Variants in TMEM184A observed in about 807,000 individuals in gnomAD.
The protein encoded by TMEM184A is sexually dimorphic, expressed in male gonads 1.
In TMEM184A, 40 loss-of-function variants were observed where a neutral mutation model predicts 39.5. That is an observed-to-expected ratio of 1.01 (90% confidence interval 0.79 to 1.32). The LOEUF is 1.32. TMEM184A is among the 40% of genes most tolerant of loss of function. TMEM184A has a pLI of 0.00. For missense variants in TMEM184A, 603 were observed against 568.8 expected, an observed-to-expected ratio of 1.06 and a Z score of -0.61; for synonymous variants, 280 against 252.3, an observed-to-expected ratio of 1.11 and a Z score of -1.04.
chr7:1,552,875 C>T (rs914432104), intron 2 of TMEM184A, among the ~76,000 whole-genome samples: 3 of 152,122 alleles, frequency 2.0e-5, no homozygotes, highest in African/African-American at 2.4e-5. Context: ...GTCAACAGGG[C>T]GAACTCCATC....
At position 1,550,340 on chromosome 7, in the gene TMEM184A, G is replaced by C. The variant is rs771538542; in HGVS notation, c.441C>G (p.Gly147=). The C allele has an allele frequency of 6.2e-7, 1 of 1,612,944 alleles. No individual in the cohort carries two copies. Among genetic ancestry groups the C allele is most frequent in the Non-Finnish European group, 8.5e-7 (1 of 1,179,782 alleles). The change falls in exon 4 of 9, where the codon GGC becomes GGG. Residue 147 remains glycine, a synonymous_variant. Transcript: ENST00000297477. Reference sequence around the variant, plus strand: ...TTCCACGAATCTCAGCCATGATGGCGCCCTCGCCTCCCAGGTACTGGAAAC... The same window carrying C: ...TTCCACGAATCTCAGCCATGATGGCCCCCTCGCCTCCCAGGTACTGGAAAC... ...SLCFQYLGGE[G]AIMAEIRGKP... is the part of the protein sequence containing the mutation.
At position 1,552,508 on chromosome 7, in the gene TMEM184A, G is replaced by GT. The variant is rs5881901; in HGVS notation, c.220-1527dup. Among the ~76,000 whole-genome samples the GT allele has an allele frequency of 5.7e-3, 769 of 135,636 alleles. 3 individuals are homozygous for GT. The highest frequency in any genetic ancestry group is 0.013 in the East Asian group (62 of 4,670). The allele number at this position is 135,636 out of a possible 152,430, so 89.0% of individuals were successfully genotyped here. A position where few individuals can be genotyped will look rare whatever the true frequency, so the allele number is the denominator to read the frequency against. On this transcript the variant is annotated intron_variant, in intron 2 of 8. Transcript: ENST00000297477. ...TAACAGTCACCATGTTGTACAATAG[G>GT]TTTTTTTTTTTTTTTTTTCTGAATA... is the stretch of plus-strand genomic sequence containing the variant.
At chr7:1,547,969 C>T (rs768923888) in intron 7 of TMEM184A, 30 bp from the exon 8 acceptor site, 41 of 1,544,360 alleles carry the variant, frequency 2.7e-5, no homozygotes, top group Middle Eastern at 4.3e-4. Flanking sequence ...TCAGCCCCAG[C>T]CCCAGACGGG....
Position 1,550,719 on chromosome 7 carries a change from G to A in TMEM184A, c.385+98C>T. Reference sequence around the variant, plus strand: ...GCCCCTCTGACGGGCCGGGAGAGTGGGGTGCCCTGGGGACTGGCCATGGAA... The same window carrying A: ...GCCCCTCTGACGGGCCGGGAGAGTGAGGTGCCCTGGGGACTGGCCATGGAA... On this transcript the variant is annotated intron_variant, in intron 3 of 8. Coordinates refer to ENST00000297477, the MANE Select transcript of TMEM184A (RefSeq NM_001097620.2). 3 of 1,457,534 alleles carry A rather than the reference G, an allele frequency of 2.1e-6. No individual in the cohort carries two copies. The South Asian group carries it at 3.7e-5, about 18-fold the overall frequency. 90.3% of individuals were successfully genotyped at this position (1,457,534 alleles called of 1,614,324 possible).
At position 1,547,148 on chromosome 7, in the gene TMEM184A, C is replaced by T. The variant is rs747916271; in HGVS notation, c.1046G>A (p.Gly349Asp). 3.3e-5 allele frequency: 53 copies of T among 1,607,836 alleles called. No homozygotes were observed. The highest frequency in any genetic ancestry group is 1.7e-4 in the Middle Eastern group (1 of 5,820). ...CTGGGGGCTCACTGTCTCCCTGATG[C>T]CGCTGGAGATGCTCTGCATGGGTGC... ...PPAPMQSISSGIRETVSPQDI... is the reference protein window; with the variant it reads ...PPAPMQSISSDIRETVSPQDI... The change falls in exon 9 of 9, where the codon GGC becomes GAC. Residue 349 changes from glycine to aspartate, a missense_variant. Coordinates refer to ENST00000297477, the MANE Select transcript of TMEM184A (RefSeq NM_001097620.2).
Position 1,550,128 on chromosome 7 carries a change from T to G in TMEM184A, c.547A>C (p.Lys183Gln). 5 of 1,603,850 alleles carry G rather than the reference T, an allele frequency of 3.1e-6. No homozygotes were observed. Among genetic ancestry groups the G allele is most frequent in the Non-Finnish European group, 4.3e-6 (5 of 1,176,126 alleles). Residue 183 changes from lysine to glutamine, a missense_variant, in exon 5 of 9, where the codon AAG becomes CAG. Transcript: ENST00000297477. ...TYSIGFLRFC[K>Q]QATLQFCLVK... ...AGGGCTGGGTGGCCCCTCACCTGCT[T>G]ACAGAAGCGCAGGAACCCGATGGAG...
Position 1,548,238 on chromosome 7 carries a change from T to G in TMEM184A, c.814+281A>C, listed in dbSNP as rs1203634612. Among the ~76,000 whole-genome samples the G allele has an allele frequency of 2.0e-5, 3 of 149,868 alleles. No homozygotes were observed. In the East Asian group the frequency reaches 6.0e-4, roughly 30 times the overall value. ...AAAGTGGGCTGTCAGTGCCCTGGCC[T>G]GGCCCAGGGCCCAGTGGGGGCCAGG... is the stretch of plus-strand genomic sequence containing the variant. On this transcript the variant is annotated intron_variant, in intron 7 of 8. Transcript: ENST00000297477.
Position 1,546,925 on chromosome 7 carries a change from C to G in TMEM184A, c.*27G>C. 1 of 1,454,548 alleles carries G rather than the reference C, an allele frequency of 6.9e-7. No homozygotes were observed. The allele number at this position is 1,454,548 out of a possible 1,614,324, so 90.1% of individuals were successfully genotyped here. ...CCCAGAGGCCTGGGCAGCCTGGGTC[C>G]CTACAGCACTGGCAGCCCAGGCCCC... is the stretch of plus-strand genomic sequence containing the variant. On this transcript the variant is annotated 3_prime_UTR_variant, in exon 9 of 9. Transcript: ENST00000297477.
intron 3 of TMEM184A, 25 bp downstream of exon 3, chr7:1,550,792 C>A (rs949189208): frequency 6.2e-7 from 1 of 1,610,286 alleles, no homozygotes; most frequent in Non-Finnish European, 8.5e-7. Flanking sequence ...TCCGCTCCCC[C>A]GACCTGACGC....
intron 2 of TMEM184A, 59 bp from the exon 3 acceptor site, chr7:1,551,041 A>C (rs1206642418): frequency 1.3e-5 from 8 of 636,344 alleles, no homozygotes; most frequent in Non-Finnish European, 2.0e-5. Flanking sequence ...GGACCAGCCC[A>C]GGTGAGCCGG....
intron 8 of TMEM184A, 101 bp from the exon 9 acceptor site, chr7:1,547,282 C>T: frequency 1.4e-6 from 1 of 704,690 alleles, no homozygotes; most frequent in Non-Finnish European, 2.3e-6. Context: ...CCTGCATGTC[C>T]AGGTCTGGCC....
At position 1,555,291 on chromosome 7, in the gene TMEM184A, G is replaced by A. The variant is rs1778513607; in HGVS notation, c.194C>T (p.Thr65Ile). Residue 65 changes from threonine to isoleucine, a missense_variant, in exon 2 of 9, where the codon ACT (threonine) becomes ATT (isoleucine). Thr to Ile is a moderately conservative substitution (Grantham distance 89, BLOSUM62 -1). Transcript: ENST00000297477. The surrounding 1 kb of genome is among the most constrained non-coding windows in gnomAD (Gnocchi z 5.2). ...CTGGTGGCAGGTGAGCACCAGGGCA[G>A]TCCACACGAAGATCCCCGAGACGCC... ...ARGVSGIFVW[T>I]ALVLTCHQIY... 1 of 1,607,634 alleles carries A rather than the reference G, an allele frequency of 6.2e-7. No individual in the cohort carries two copies. The highest frequency in any genetic ancestry group is 8.5e-7 in the Non-Finnish European group (1 of 1,177,346).
chr7:1,547,732 C>T lies in TMEM184A; in HGVS notation c.1012+10G>A, dbSNP rs1180131514. On this transcript the variant is annotated intron_variant, in intron 8 of 8. Coordinates refer to ENST00000297477, the MANE Select transcript of TMEM184A (RefSeq NM_001097620.2). ...CGCTCCGGGTGCCCCAGCTGGAAGG[C>T]AGGGTGTACCTGGTGAATTCTCCTT... The T allele has an allele frequency of 2.5e-6, 4 of 1,609,818 alleles. No homozygotes were observed. The highest frequency in any genetic ancestry group is 3.4e-5 in the Admixed American group (2 of 59,694).
In TMEM184A at chr7:1,555,140, G is replaced by T; in HGVS notation, c.219+126C>A. 1.3e-6 allele frequency: 1 copy of T among 745,966 alleles called. No individual in the cohort carries two copies. Among genetic ancestry groups the T allele is most frequent in the Non-Finnish European group, 2.1e-6 (1 of 481,028 alleles). The allele number at this position is 745,966 out of a possible 1,614,324, so 46.2% of individuals were successfully genotyped here. A position where few individuals can be genotyped will look rare whatever the true frequency, so the allele number is the denominator to read the frequency against. Reference sequence around the variant, plus strand: ...CCTGGGGAAGCTCATCCCCTCCCCCGTGCCCTGGCCGATCCCACTTCTGAC... The same window carrying T: ...CCTGGGGAAGCTCATCCCCTCCCCCTTGCCCTGGCCGATCCCACTTCTGAC... On this transcript the variant is annotated intron_variant, in intron 2 of 8. Coordinates refer to ENST00000297477, the MANE Select transcript of TMEM184A (RefSeq NM_001097620.2). This position sits in a 1 kb window ranked among gnomAD's most constrained non-coding sequence, Gnocchi z 5.2.
At chr7:1,549,530 A>G (rs1453665553) in intron 6 of TMEM184A, 1 of 501,868 alleles carries the variant, frequency 2.0e-6, no homozygotes, top group South Asian at 1.5e-5. Context: ...AGATGCTGGC[A>G]CAGACGCTAG....
At position 1,550,214 on chromosome 7, in the gene TMEM184A, C is replaced by T. The variant is rs1416370755; in HGVS notation, c.477-16G>A. 6.2e-7 allele frequency: 1 copy of T among 1,605,594 alleles called. No individual in the cohort carries two copies. Among genetic ancestry groups the T allele is most frequent in the Admixed American group, 1.7e-5 (1 of 58,786 alleles). ...GCAGCTGGACCTGCGGGGGACGTCC[C>T]TGAGCCGGTGCGGGAGAATGCAGCC... On this transcript the variant is annotated splice_polypyrimidine_tract_variant and intron_variant, in intron 4 of 8. Transcript: ENST00000297477.
At chr7:1,548,953 T>G (rs1227883984) in intron 6 of TMEM184A, 1 of 628,346 alleles carries the variant, frequency 1.6e-6, no homozygotes, top group Non-Finnish European at 3.0e-6. Context: ...CGTCCCAGGA[T>G]CCTGTCCACT....
intron 2 of TMEM184A, among the ~76,000 whole-genome samples, chr7:1,553,371 T>G (rs1353555758): frequency 6.6e-6 from 1 of 152,096 alleles, no homozygotes; most frequent in Non-Finnish European, 1.5e-5. Context: ...CAGGCTGGTC[T>G]CAAACTCTTG....
In TMEM184A at chr7:1,549,864, C is replaced by T. The variant is rs760364428; in HGVS notation, c.634G>A (p.Gly212Arg). The change falls in exon 6 of 9, where the codon GGG (glycine) becomes AGG (arginine). Residue 212 changes from glycine to arginine, a missense_variant. Gly to Arg is a moderately radical substitution (Grantham distance 125). Transcript: ENST00000297477. ...ILQAFGKYHDGDFNVRSGYLY... is the reference protein window; with the variant it reads ...ILQAFGKYHDRDFNVRSGYLY... ...CAGCTCCCGCCTTACTTGAAGTCCC[C>T]GTCGTGGTATTTGCCAAATGCCTGG... is the stretch of plus-strand genomic sequence containing the variant. 106 of 1,606,664 alleles carry T rather than the reference C, an allele frequency of 6.6e-5. No individual in the cohort carries two copies. The highest frequency in any genetic ancestry group is 1.7e-4 in the Middle Eastern group (1 of 6,034).
Sources: gnomAD v4.1 joint callset for allele counts (sites outside exome capture counted in the v4.1 genomes callset) on GRCh38, gnomAD v4.1.1 for gene constraint, Gnocchi (gnomAD v3.1) non-coding constraint, MANE v1.5 for transcripts, NCBI Gene and HGNC (gene_info 2026-07-23, HGNC 2026-07-21) for gene names.